TEAD1: variants seen among roughly 807,000 people sequenced by gnomAD.
The protein encoded by TEAD1 is transcriptional enhancer factor TEF-1.
Under a neutral mutation model 54.9 loss-of-function variants are expected in TEAD1, and 9 were observed. The ratio of observed to expected loss-of-function variants is 0.16; its 90% CI spans 0.10 to 0.29. The LOEUF is 0.29. TEAD1 is among the 10% of genes least tolerant of loss of function. The probability of loss-of-function intolerance (pLI) is 1.00; values close to 1 mark genes in which losing one functional copy is unlikely to be tolerated. For synonymous variants in TEAD1, 200 were observed against 187.8 expected (o/e 1.07, Z -0.53); for missense variants, 387 against 535.9 (o/e 0.72, Z 2.74).
At chr11:12,895,865 T>A (rs920809532) in intron 9 of TEAD1, among the ~76,000 whole-genome samples, 4 of 152,192 alleles carry the variant, frequency 2.6e-5, no homozygotes, top group African/African-American at 9.7e-5. Flanking sequence ...TTCTATTAAT[T>A]TTAGGCATCA....
intron 3 of TEAD1, among the ~76,000 whole-genome samples, chr11:12,801,180 T>C (rs1946052155): frequency 6.6e-6 from 1 of 152,228 alleles, no homozygotes; most frequent in African/African-American, 2.4e-5. Context: ...AAAGAGTAAG[T>C]GTAGCCTAGA....
At chr11:12,770,908 T>A (rs1218134092) in intron 3 of TEAD1, among the ~76,000 whole-genome samples, 1 of 152,216 alleles carries the variant, frequency 6.6e-6, no homozygotes, top group Non-Finnish European at 1.5e-5. Context: ...AAAAAGATCA[T>A]GTAGCGGTTT....
At chr11:12,772,613 T>G (rs1294723364) in intron 3 of TEAD1, among the ~76,000 whole-genome samples, 2 of 152,208 alleles carry the variant, frequency 1.3e-5, no homozygotes, top group African/African-American at 4.8e-5. Flanking sequence ...TACTTTCTTT[T>G]TTATTTGAAA....
chr11:12,692,751 C>G (rs1175935392), intron 2 of TEAD1, among the ~76,000 whole-genome samples: 3 of 152,128 alleles, frequency 2.0e-5, no homozygotes, highest in Non-Finnish European at 4.4e-5. Context: ...CTTCAGGAGG[C>G]AAGTGGTAAA....
Position 12,924,935 on chromosome 11 carries a change from A to G in TEAD1, c.897A>G (p.Gln299=). The stretch of plus-strand genomic sequence containing the variant: ...AGGCTGATTTAAACTGCAATATTCA[A>G]GATGATGCTGGGGCTTTTTATGGTG... The change falls in exon 11 of 13, where the codon CAA becomes CAG. Residue 299 remains glutamine (Q), a synonymous_variant. Coordinates refer to ENST00000527636, the MANE Select transcript of TEAD1 (RefSeq NM_021961.6). 2 of 1,614,164 alleles carry G rather than the reference A, an allele frequency of 1.2e-6. No homozygotes were observed. The highest frequency in any genetic ancestry group is 8.5e-7 in the Non-Finnish European group (1 of 1,180,036).
intron 2 of TEAD1, among the ~76,000 whole-genome samples, chr11:12,763,603 C>T (rs1022574560): frequency 6.6e-6 from 1 of 152,214 alleles, no homozygotes; most frequent in Non-Finnish European, 1.5e-5. Context: ...CTGCCACCAT[C>T]TTGCATCTTG....
intron 3 of TEAD1, among the ~76,000 whole-genome samples, chr11:12,770,651 G>A (rs1245569597): frequency 2.0e-5 from 3 of 152,182 alleles, no homozygotes; most frequent in African/African-American, 7.2e-5. Flanking sequence ...GGTCCAGCAA[G>A]GTCAAGTTAT....
chr11:12,708,067 A>G (rs1943857665), intron 2 of TEAD1, among the ~76,000 whole-genome samples: 1 of 150,464 alleles, frequency 6.6e-6, no homozygotes, highest in Admixed American at 6.7e-5. Flanking sequence ...GCAGTTCCCA[A>G]AGTCCCTTAC....
chr11:12,887,251 C>G (rs1948110623), intron 9 of TEAD1, among the ~76,000 whole-genome samples: 1 of 152,028 alleles, frequency 6.6e-6, no homozygotes, highest in South Asian at 2.1e-4. Flanking sequence ...CATCCACCAC[C>G]ACGCCCGGCT....
chr11:12,759,012 A>C (rs1945047927), intron 2 of TEAD1, among the ~76,000 whole-genome samples: 1 of 152,186 alleles, frequency 6.6e-6, no homozygotes, highest in Non-Finnish European at 1.5e-5. Context: ...GACCTCATAG[A>C]ATATTGAGAC....
At chr11:12,874,669 G>A (rs577764746) in intron 5 of TEAD1, among the ~76,000 whole-genome samples, 3 of 152,110 alleles carry the variant, frequency 2.0e-5, no homozygotes, top group Non-Finnish European at 4.4e-5. Context: ...ATAAAAGTAG[G>A]GTAGATGATG....
intron 2 of TEAD1, among the ~76,000 whole-genome samples, chr11:12,748,470 G>T (rs1470325820): frequency 6.6e-6 from 1 of 152,202 alleles, no homozygotes; most frequent in Admixed American, 6.5e-5. Flanking sequence ...GAGAACAGGT[G>T]TGAAAGGCCA....
At chr11:12,720,371 T>C (rs980801080) in intron 2 of TEAD1, among the ~76,000 whole-genome samples, 7 of 152,180 alleles carry the variant, frequency 4.6e-5, no homozygotes, top group African/African-American at 1.7e-4. Flanking sequence ...ATAGTCTGCA[T>C]GCTTGTGATT....
At chr11:12,779,243 T>C (rs985304151) in intron 3 of TEAD1, among the ~76,000 whole-genome samples, 1 of 152,204 alleles carries the variant, frequency 6.6e-6, no homozygotes, top group Non-Finnish European at 1.5e-5. Context: ...CCGGGAGCAA[T>C]GAACTAAGTA....
chr11:12,908,068 T>A lies in TEAD1; in HGVS notation c.873+5955T>A, dbSNP rs574367249. 3.3e-4 allele frequency among the ~76,000 whole-genome samples: 50 copies of A among 152,344 alleles called. 1 individual carries two copies. The South Asian group carries it at 5.0e-3, about 15-fold the overall frequency. ...TATATTATTATGTTCTGATTTTTTT[T>A]AAAAAGCCTTTCTTGCTGGGAAAAG... On this transcript the variant is annotated intron_variant, in intron 10 of 12. Coordinates refer to ENST00000527636, the MANE Select transcript of TEAD1 (RefSeq NM_021961.6).
intron 3 of TEAD1, among the ~76,000 whole-genome samples, chr11:12,795,448 G>C (rs1283974919): frequency 6.6e-6 from 1 of 152,202 alleles, no homozygotes; most frequent in South Asian, 2.1e-4. Context: ...CTCTCATGTT[G>C]CATACATGGG....
At chr11:12,679,559 T>C (rs932681975) in intron 2 of TEAD1, among the ~76,000 whole-genome samples, 1 of 152,194 alleles carries the variant, frequency 6.6e-6, no homozygotes, top group Non-Finnish European at 1.5e-5. Context: ...AAACTGCTGC[T>C]AATGGTGGGA....
chr11:12,890,104 C>T (rs1948169573), intron 9 of TEAD1, among the ~76,000 whole-genome samples: 2 of 152,188 alleles, frequency 1.3e-5, no homozygotes, highest in Admixed American at 1.3e-4. Flanking sequence ...GCATTATGTC[C>T]AGTCTGTACA....
At chr11:12,837,239 A>G (rs1266951529) in intron 3 of TEAD1, among the ~76,000 whole-genome samples, 1 of 152,210 alleles carries the variant, frequency 6.6e-6, no homozygotes, top group Non-Finnish European at 1.5e-5. Flanking sequence ...TATGAAAAGT[A>G]GCTACTCCCC....
Sources: allele counts gnomAD v4.1 joint callset (sites outside exome capture counted in the v4.1 genomes callset), GRCh38; gene constraint gnomAD v4.1.1; transcripts MANE v1.5; gene names NCBI Gene and HGNC (gene_info 2026-07-23, HGNC 2026-07-21).